Variants in SLC2A13 observed in about 807,000 individuals in gnomAD.
SLC2A13 encodes solute carrier family 2 member 13.
A neutral mutation model predicts 64.4 loss-of-function variants in SLC2A13; 32 were observed. The ratio of observed to expected loss-of-function variants is 0.50; its 90% CI spans 0.37 to 0.67. The LOEUF (loss-of-function observed/expected upper bound fraction) is 0.67, where lower values mean the gene tolerates loss of function less well. Among genes scored for constraint, SLC2A13 ranks in the 30% least tolerant of loss-of-function variants. The pLI is 0.00. For missense variants in SLC2A13, 743 were observed against 829.2 expected, an observed-to-expected ratio of 0.90 and a Z score of 1.28; for synonymous variants, 338 against 327.1, an observed-to-expected ratio of 1.03 and a Z score of -0.36.
In SLC2A13 at chr12:39,871,969, G is replaced by A. The variant is rs756355176; in HGVS notation, c.1035-8C>T. ...ATGGTTGCACTGTAGTACCTGCAAA[G>A]CAATGAATAAAACAATTGCTATTGA... On this transcript the variant is annotated splice_region_variant and splice_polypyrimidine_tract_variant and intron_variant, in intron 4 of 9. Coordinates refer to ENST00000280871, the MANE Select transcript of SLC2A13 (RefSeq NM_052885.4). The A allele has an allele frequency of 1.8e-5, 29 of 1,570,256 alleles. No individual in the cohort carries two copies. The highest frequency in any genetic ancestry group is 1.7e-4 in the Middle Eastern group (1 of 5,900).
At chr12:40,027,573 C>G (rs542795156) in intron 3 of SLC2A13, among the ~76,000 whole-genome samples, 1 of 152,258 alleles carries the variant, frequency 6.6e-6, no homozygotes, top group South Asian at 2.1e-4. Context: ...CATGTATCAG[C>G]AAAGGAGTGT....
intron 4 of SLC2A13, among the ~76,000 whole-genome samples, chr12:39,883,050 C>T (rs1944383394): frequency 6.6e-6 from 1 of 151,994 alleles, no homozygotes; most frequent in Non-Finnish European, 1.5e-5. Context: ...TCTTTTTTCC[C>T]TTATTTATTT....
chr12:39,801,249 A>T (rs1474265081), intron 7 of SLC2A13, among the ~76,000 whole-genome samples: 4 of 12,580 alleles, frequency 3.2e-4, no homozygotes, highest in Non-Finnish European at 1.4e-3. Flanking sequence ...AGTATAATTA[A>T]AAAAAAAATC....
chr12:39,955,962 AG>A (rs1015190641), intron 3 of SLC2A13, among the ~76,000 whole-genome samples: 16 of 152,216 alleles, frequency 1.1e-4, no homozygotes, highest in African/African-American at 3.9e-4. Flanking sequence ...CCAAATTTGT[AG>A]TAATCTATTA....
At chr12:40,027,375 C>T (rs1036619118) in intron 3 of SLC2A13, among the ~76,000 whole-genome samples, 1 of 152,142 alleles carries the variant, frequency 6.6e-6, no homozygotes. Context: ...TTGATCTCAG[C>T]AACAAAGTGA....
chr12:39,929,474 C>T (rs988092904), intron 4 of SLC2A13, among the ~76,000 whole-genome samples: 3 of 151,648 alleles, frequency 2.0e-5, no homozygotes, highest in Non-Finnish European at 4.4e-5. Context: ...TCGCTTGAAC[C>T]CGGGAGGCAG....
At chr12:40,098,049 G>A (rs1206400833) in intron 1 of SLC2A13, among the ~76,000 whole-genome samples, 6 of 150,554 alleles carry the variant, frequency 4.0e-5, no homozygotes, top group Non-Finnish European at 7.4e-5. Flanking sequence ...GTATATATGT[G>A]TATATATGTA....
intron 3 of SLC2A13, among the ~76,000 whole-genome samples, chr12:39,985,357 G>A (rs1947011843): frequency 6.6e-6 from 1 of 152,090 alleles, no homozygotes; most frequent in African/African-American, 2.4e-5. Context: ...TGCATTCTCT[G>A]ATGCAGATTA....
intron 2 of SLC2A13, among the ~76,000 whole-genome samples, chr12:40,041,831 A>C (rs1361778935): frequency 6.6e-6 from 1 of 152,246 alleles, no homozygotes; most frequent in Non-Finnish European, 1.5e-5. Flanking sequence ...GTCATGGCAC[A>C]CTCTGCTAAA....
chr12:40,054,267 G>T lies in SLC2A13; in HGVS notation c.557-6057C>A, dbSNP rs561151786. Among the ~76,000 whole-genome samples, 49 of 152,162 alleles carry T rather than the reference G, an allele frequency of 3.2e-4. 1 individual carries two copies. In the South Asian group the frequency reaches 8.3e-3, roughly 26 times the overall value. ...TAGGTGCTTTAAAAATGAATGTAAT[G>T]AATAATATTTAAATATGATTTAAAT... On this transcript the variant is annotated intron_variant, in intron 1 of 9. Transcript: ENST00000280871.
At chr12:39,805,111 G>C (rs1342509060) in intron 7 of SLC2A13, among the ~76,000 whole-genome samples, 2 of 151,518 alleles carry the variant, frequency 1.3e-5, no homozygotes, top group Non-Finnish European at 2.9e-5. Context: ...TGACGACAAT[G>C]GAGGGAGCCA....
chr12:40,079,266 T>C (rs1938301167), intron 1 of SLC2A13, among the ~76,000 whole-genome samples: 1 of 152,250 alleles, frequency 6.6e-6, no homozygotes, highest in Non-Finnish European at 1.5e-5. Context: ...CTATAAACTT[T>C]CCTCTTACCA....
intron 7 of SLC2A13, among the ~76,000 whole-genome samples, chr12:39,816,539 C>T (rs1318823795): frequency 1.3e-5 from 2 of 151,380 alleles, no homozygotes; most frequent in African/African-American, 2.4e-5. Flanking sequence ...TGTAACAAAC[C>T]TGCACGTTGT....
chr12:39,979,520 A>G (rs1237116691), intron 3 of SLC2A13, among the ~76,000 whole-genome samples: 2 of 149,830 alleles, frequency 1.3e-5, no homozygotes, highest in African/African-American at 4.9e-5. Context: ...GAACTACGTG[A>G]AGAATGCAGA....
At position 39,823,326 on chromosome 12, in the gene SLC2A13, C is replaced by T. The variant is rs566938846; in HGVS notation, c.1445+6777G>A. Among the ~76,000 whole-genome samples the T allele has an allele frequency of 2.6e-5, 4 of 152,178 alleles. No individual in the cohort carries two copies. The South Asian group carries it at 8.3e-4, about 32-fold the overall frequency. ...GGAGGTTTTTCTATCCCTTATGTGA[C>T]TAACTGATAAAAATACATCAATCCT... On this transcript the variant is annotated intron_variant, in intron 7 of 9. Transcript: ENST00000280871.
intron 5 of SLC2A13, among the ~76,000 whole-genome samples, chr12:39,868,733 G>T (rs902646753): frequency 2.8e-4 from 43 of 152,082 alleles, no homozygotes; most frequent in Non-Finnish European, 7.4e-5. Flanking sequence ...AAAGAATCAA[G>T]AATTTGTCAT....
chr12:39,971,995 A>ATATAT (rs1192990149), intron 3 of SLC2A13, among the ~76,000 whole-genome samples: 3 of 48,508 alleles, frequency 6.2e-5, no homozygotes, highest in Admixed American at 2.1e-4. Flanking sequence ...AAAAAAAAAA[A>ATATAT]AAATATATAT....
intron 4 of SLC2A13, among the ~76,000 whole-genome samples, chr12:39,921,658 C>T (rs922796268): frequency 6.6e-6 from 1 of 152,088 alleles, no homozygotes. Context: ...TCTGATTTAG[C>T]CATGAGGCAG....
At chr12:40,020,829 ACTGAATG>A (rs1200886851) in intron 3 of SLC2A13, among the ~76,000 whole-genome samples, 3 of 151,950 alleles carry the variant, frequency 2.0e-5, no homozygotes, top group Non-Finnish European at 2.9e-5. Context: ...TATCACCTAT[ACTGAATG>A]ATGGATTTCA....
Sources: gnomAD v4.1 joint callset for allele counts (sites outside exome capture counted in the v4.1 genomes callset) on GRCh38, gnomAD v4.1.1 for gene constraint, MANE v1.5 for transcripts, NCBI Gene and HGNC (gene_info 2026-07-23, HGNC 2026-07-21) for gene names.